PRMT3: variants seen among roughly 807,000 people sequenced by gnomAD.
The protein encoded by PRMT3 is protein arginine methyltransferase 3, also known as protein arginine N-methyltransferase 3.
Under a neutral mutation model 71.9 loss-of-function variants are expected in PRMT3, and 62 were observed. The observed-to-expected ratio is 0.86, with a 90% CI of 0.70 to 1.07. PRMT3 has a LOEUF of 1.07. PRMT3 is among the 50% of genes least tolerant of loss of function. The probability of loss-of-function intolerance (pLI) is 0.00; values close to 1 mark genes in which losing one functional copy is unlikely to be tolerated. For missense variants in PRMT3, 663 were observed against 643.0 expected, an observed-to-expected ratio of 1.03 and a Z score of -0.34; for synonymous variants, 213 against 220.4, an observed-to-expected ratio of 0.97 and a Z score of 0.30.
intron 10 of PRMT3, among the ~76,000 whole-genome samples, chr11:20,451,506 A>G (rs1850148237): frequency 6.6e-6 from 1 of 150,636 alleles, no homozygotes; most frequent in Admixed American, 6.6e-5. Context: ...TTTTTTTTTT[A>G]ATACCAAAAA....
chr11:20,399,842 A>T (rs1021940900), intron 7 of PRMT3, among the ~76,000 whole-genome samples: 11 of 152,204 alleles, frequency 7.2e-5, no homozygotes, highest in Non-Finnish European at 1.0e-4. Flanking sequence ...ATATAGATTT[A>T]AGAAGTTCCA....
chr11:20,446,174 A>T (rs996090310), intron 10 of PRMT3, among the ~76,000 whole-genome samples: 1 of 152,114 alleles, frequency 6.6e-6, no homozygotes, highest in Non-Finnish European at 1.5e-5. Context: ...AAAGTACTGC[A>T]GTAAAATTTT....
intron 10 of PRMT3, among the ~76,000 whole-genome samples, chr11:20,438,906 G>T (rs1444958809): frequency 6.6e-6 from 1 of 152,170 alleles, no homozygotes; most frequent in African/African-American, 2.4e-5. Context: ...TCCAGCTTGA[G>T]GGGGTGGGAG....
At chr11:20,461,875 G>T in intron 11 of PRMT3, 105 bp from the exon 12 acceptor site, 1 of 1,000,822 alleles carries the variant, frequency 1.0e-6, no homozygotes, top group Non-Finnish European at 1.4e-6. Context: ...CCCATTGCTA[G>T]TAATCCTTAC....
intron 15 of PRMT3, among the ~76,000 whole-genome samples, chr11:20,496,727 A>AT (rs1167312756): frequency 6.6e-6 from 1 of 152,146 alleles, no homozygotes; most frequent in African/African-American, 2.4e-5. Context: ...TGGGCTCTAT[A>AT]TTACAGTTAC....
chr11:20,450,125 CA>C (rs777803961), intron 10 of PRMT3, among the ~76,000 whole-genome samples: 2 of 152,072 alleles, frequency 1.3e-5, no homozygotes, highest in Non-Finnish European at 2.9e-5. Context: ...AATGACAAAT[CA>C]ATACAAACTT....
At position 20,392,146 on chromosome 11, in the gene PRMT3, A is replaced by T. The variant is rs187427376; in HGVS notation, c.248-65A>T. On this transcript the variant is annotated intron_variant, in intron 3 of 15. Coordinates refer to ENST00000331079, the MANE Select transcript of PRMT3 (RefSeq NM_005788.4). ...ATTGTTTAATCAGAGAAGGCTTTAT[A>T]GAATAGGTCAGTTAAACAAAACTCA... is the stretch of plus-strand genomic sequence containing the variant. The T allele has an allele frequency of 4.1e-6, 6 of 1,460,716 alleles. No individual in the cohort carries two copies. In the African/African-American group the frequency reaches 8.5e-5, roughly 21 times the overall value. The allele number at this position is 1,460,716 out of a possible 1,614,324, so 90.5% of individuals were successfully genotyped here. A position where few individuals can be genotyped will look rare whatever the true frequency, so the allele number is the denominator to read the frequency against.
chr11:20,409,106 T>A (rs919978017), intron 9 of PRMT3, among the ~76,000 whole-genome samples: 3 of 152,032 alleles, frequency 2.0e-5, no homozygotes, highest in Non-Finnish European at 2.9e-5. Flanking sequence ...CCAAAAAAAA[T>A]TTTTTAAATT....
At position 20,500,686 on chromosome 11, in the gene PRMT3, A is replaced by G. The variant is rs190699635; in HGVS notation, c.1486+6432A>G. Reference sequence around the variant, plus strand: ...GAACAAGTAAATATTTGTTTGAGAAAATCATTCTTCACACCATATCCAAAA... The same window carrying G: ...GAACAAGTAAATATTTGTTTGAGAAGATCATTCTTCACACCATATCCAAAA... On this transcript the variant is annotated intron_variant, in intron 15 of 15. Coordinates refer to ENST00000331079, the MANE Select transcript of PRMT3 (RefSeq NM_005788.4). 1.7e-3 allele frequency among the ~76,000 whole-genome samples: 254 copies of G among 152,338 alleles called. 3 individuals are homozygous for G. The highest frequency in any genetic ancestry group is 2.3e-3 in the Non-Finnish European group (159 of 68,032).
chr11:20,449,769 A>G (rs1286661404), intron 10 of PRMT3, among the ~76,000 whole-genome samples: 2 of 152,122 alleles, frequency 1.3e-5, no homozygotes, highest in Non-Finnish European at 2.9e-5. Flanking sequence ...CATTTTAACA[A>G]ATATAATATT....
At chr11:20,487,899 G>T (rs566829723) in intron 13 of PRMT3, among the ~76,000 whole-genome samples, 2 of 152,240 alleles carry the variant, frequency 1.3e-5, no homozygotes, top group South Asian at 2.1e-4. Flanking sequence ...AGGAGTTTCA[G>T]TTATCTTGAA....
In PRMT3 at chr11:20,442,231, C is replaced by T. The variant is rs1166006590; in HGVS notation, c.994-9899C>T. ...AATATTGTTTTTTTTTTTAAAGTCA[C>T]TTGTAGTCACTATTTTCACCTATTC... is the stretch of plus-strand genomic sequence containing the variant. On this transcript the variant is annotated intron_variant, in intron 10 of 15. Transcript: ENST00000331079. Among the ~76,000 whole-genome samples the T allele has an allele frequency of 2.0e-5, 3 of 151,678 alleles. No individual in the cohort carries two copies. The East Asian group carries it at 5.8e-4, about 29-fold the overall frequency.
chr11:20,428,596 G>T (rs916555907), intron 10 of PRMT3, among the ~76,000 whole-genome samples: 1 of 152,182 alleles, frequency 6.6e-6, no homozygotes, highest in Non-Finnish European at 1.5e-5. Flanking sequence ...TGGATTGAAT[G>T]AATTCATGAG....
At chr11:20,396,463 C>T (rs1253368461) in intron 6 of PRMT3, among the ~76,000 whole-genome samples, 3 of 151,976 alleles carry the variant, frequency 2.0e-5, no homozygotes, top group South Asian at 2.1e-4. Context: ...ATGGTGAAAC[C>T]CTGTCTCTAC....
rs192069087 is a variant in PRMT3 at position 20,457,031 on chromosome 11, C to T, written c.1072+4823C>T. ...TGGAATTAGAGGCGCCCTGCCACCA[C>T]GTCCAGCTAATTCTTTGTATTTTTA... On this transcript the variant is annotated intron_variant, in intron 11 of 15. Coordinates refer to ENST00000331079, the MANE Select transcript of PRMT3 (RefSeq NM_005788.4). 3.9e-5 allele frequency among the ~76,000 whole-genome samples: 6 copies of T among 152,028 alleles called. No individual in the cohort carries two copies. In the East Asian group the frequency reaches 9.6e-4, roughly 24 times the overall value.
At chr11:20,434,419 C>T (rs1184883836) in intron 10 of PRMT3, among the ~76,000 whole-genome samples, 1 of 152,120 alleles carries the variant, frequency 6.6e-6, no homozygotes, top group East Asian at 1.9e-4. Flanking sequence ...GTTGCAATTG[C>T]TTTTGGCATC....
At chr11:20,430,203 T>C (rs918526132) in intron 10 of PRMT3, among the ~76,000 whole-genome samples, 5 of 152,178 alleles carry the variant, frequency 3.3e-5, no homozygotes, top group Admixed American at 2.6e-4. Context: ...GAATGAACCA[T>C]AGTTAAGCAT....
chr11:20,452,882 C>CAT (rs1850181452), intron 11 of PRMT3, among the ~76,000 whole-genome samples: 1 of 152,164 alleles, frequency 6.6e-6, no homozygotes, highest in African/African-American at 2.4e-5. Flanking sequence ...AGCTTTAACT[C>CAT]TTAAATGAGC....
intron 2 of PRMT3, among the ~76,000 whole-genome samples, chr11:20,388,405 T>G (rs780927573): frequency 6.6e-6 from 1 of 152,212 alleles, no homozygotes; most frequent in Non-Finnish European, 1.5e-5. Flanking sequence ...TTCCCAAATC[T>G]TGTCACTTGA....
Sources: allele counts gnomAD v4.1 joint callset (sites outside exome capture counted in the v4.1 genomes callset), GRCh38; gene constraint gnomAD v4.1.1; transcripts MANE v1.5; gene names NCBI Gene and HGNC (gene_info 2026-07-23, HGNC 2026-07-21).